TRAF3IP2: variants seen among roughly 807,000 people sequenced by gnomAD.
TRAF3IP2 encodes the protein TRAF3 interacting protein 2.
TRAF3IP2 carries 35 observed loss-of-function variants against 57.9 expected under a neutral mutation model. The ratio of observed to expected loss-of-function variants is 0.60; its 90% confidence interval spans 0.46 to 0.80. The LOEUF (loss-of-function observed/expected upper bound fraction) is 0.80, where lower values mean the gene tolerates loss of function less well. Ranked by LOEUF, TRAF3IP2 falls within the 30% of genes least tolerant of loss-of-function variation. TRAF3IP2 has a pLI of 0.00. For missense variants in TRAF3IP2, 556 were observed against 706.4 expected, an observed-to-expected ratio of 0.79 and a Z score of 2.41; for synonymous variants, 251 against 268.9, an observed-to-expected ratio of 0.93 and a Z score of 0.65.
At chr6:111,596,813 G>A (rs1796706235) in intron 1 of TRAF3IP2, among the ~76,000 whole-genome samples, 1 of 151,532 alleles carries the variant, frequency 6.6e-6, no homozygotes. Context: ...TACCCAAACT[G>A]GTATTGAACT....
rs1056638729 is a variant in TRAF3IP2, at chr6:111,556,804, G to T, written c.*2601C>A. On this transcript the variant is annotated 3_prime_UTR_variant, in exon 9 of 9. Transcript: ENST00000368761. ...AATGTTTCTTATTTATAGTTGACAA[G>T]TATTTGTCCTTTCCCTGTGCTACAT... 1 of 152,140 alleles carries T rather than the reference G, an allele frequency of 6.6e-6. No homozygotes were observed. Among genetic ancestry groups the T allele is most frequent in the South Asian group, 2.1e-4 (1 of 4,826 alleles). The allele number at this position is 152,140 out of a possible 1,614,324, so 9.4% of individuals were successfully genotyped here.
At chr6:111,566,901 A>C (rs1583217187) in intron 6 of TRAF3IP2, 2 of 351,606 alleles carry the variant, frequency 5.7e-6, no homozygotes, top group South Asian at 2.4e-5. Flanking sequence ...AGTAAGAAGC[A>C]CCCTCCCTCC....
At position 111,591,708 on chromosome 6, in the gene TRAF3IP2, C is replaced by T; in HGVS notation, c.379G>A (p.Ala127Thr). 2 of 1,614,232 alleles carry T rather than the reference C, an allele frequency of 1.2e-6. No homozygotes were observed. The highest frequency in any genetic ancestry group is 1.7e-6 in the Non-Finnish European group (2 of 1,180,038). ...TCCATAAATGAAAACTGATGCTCTG[C>T]AGGGAGGGCTCCAACCACAGACTCA... ...ASESVVGALP[A>T]EHQFSFMEKR... Residue 127 changes from alanine (A) to threonine (T), a missense_variant, in exon 2 of 9, where the codon GCA (alanine) becomes ACA (threonine). Around this residue, in one of 2 missense-constraint regions of TRAF3IP2, gnomAD observed 428 missense variants for 498.7 expected, o/e 0.86. Coordinates refer to ENST00000368761, the MANE Select transcript of TRAF3IP2 (RefSeq NM_147686.4). This position sits in a 1 kb window ranked among gnomAD's most constrained non-coding sequence, Gnocchi z 4.9.
chr6:111,570,369 C>T (rs2128373183), intron 5 of TRAF3IP2, among the ~76,000 whole-genome samples: 1 of 152,300 alleles, frequency 6.6e-6, no homozygotes. Context: ...GTAACAACTC[C>T]CTGCTTTTGC....
chr6:111,584,640 A>T (rs1191227970), intron 2 of TRAF3IP2, among the ~76,000 whole-genome samples: 2 of 147,930 alleles, frequency 1.4e-5, no homozygotes, highest in East Asian at 3.9e-4. Flanking sequence ...CTACAAAAAA[A>T]TACCAAAAAA....
rs768549703 is a variant in TRAF3IP2 at position 111,566,583 on chromosome 6, CATGTTTATGGA to C, written c.1360-34_1360-24del. ...CTTCTGTTAATGAGAGGGAGAAAGG[CATGTTTATGGA>C]AGTGTACCAGCAGGACTGTGGGCAT... is the stretch of plus-strand genomic sequence containing the variant. On this transcript the variant is annotated intron_variant, in intron 6 of 8. Coordinates refer to ENST00000368761, the MANE Select transcript of TRAF3IP2 (RefSeq NM_147686.4). The C allele has an allele frequency of 1.0e-5, 16 of 1,599,038 alleles. No individual in the cohort carries two copies. In the East Asian group the frequency reaches 3.3e-4, roughly 33 times the overall value.
chr6:111,559,425 G>T lies in TRAF3IP2; in HGVS notation c.1678C>A (p.Leu560Ile). The T allele has an allele frequency of 3.7e-6, 6 of 1,613,902 alleles. No individual in the cohort carries two copies. The highest frequency in any genetic ancestry group is 5.1e-6 in the Non-Finnish European group (6 of 1,180,004). ...VAPPRGPLPT[L>I]QVVPL ...CGGTGTCACAAGGGAACCACCTGAA[G>T]GGTGGGCAGAGGCCCCCGTGGAGGA... The change falls in exon 9 of 9, where the codon CTT (leucine) becomes ATT (isoleucine). Residue 560 changes from leucine (L) to isoleucine (I), a missense_variant. Physicochemically the swap from Leu to Ile is conservative, Grantham distance 5 (BLOSUM62 2). Coordinates refer to ENST00000368761, the MANE Select transcript of TRAF3IP2 (RefSeq NM_147686.4).
At chr6:111,573,726 C>T (rs1211715772) in intron 4 of TRAF3IP2, 1 of 152,216 alleles carries the variant, frequency 6.6e-6, no homozygotes, top group Admixed American at 6.5e-5. Context: ...CCAGTGTTTT[C>T]TCAGGCTAAA....
Position 111,556,098 on chromosome 6 carries a change from G to A in TRAF3IP2, c.*3307C>T, listed in dbSNP as rs1334521793. On this transcript the variant is annotated 3_prime_UTR_variant, in exon 9 of 9. Transcript: ENST00000368761. ...AGCCTGGGTGACAGAGCGAGACTAC[G>A]TCTCAAAAAAAAAAAAAAAAAAATG... Among the ~76,000 whole-genome samples the A allele has an allele frequency of 1.3e-3, 99 of 75,222 alleles. No individual in the cohort carries two copies. Among genetic ancestry groups the A allele is most frequent in the Non-Finnish European group, 2.4e-3 (86 of 36,212 alleles). The allele number at this position is 75,222 out of a possible 152,430, so 49.3% of individuals were successfully genotyped here.
chr6:111,580,997 A>C (rs1397486439), intron 2 of TRAF3IP2, among the ~76,000 whole-genome samples: 1 of 152,216 alleles, frequency 6.6e-6, no homozygotes, highest in Non-Finnish European at 1.5e-5. Flanking sequence ...GCCTACGTGC[A>C]CTTGGAGCCA....
Position 111,575,620 on chromosome 6 carries a change from GA to G in TRAF3IP2, c.1201+22del. On this transcript the variant is annotated intron_variant, in intron 4 of 8. Coordinates refer to ENST00000368761, the MANE Select transcript of TRAF3IP2 (RefSeq NM_147686.4). ...AAAAAAAAAAAAAAGAGGAAGGAGA[GA>G]ACAATGTTGCAAACAACTTACGCAA... 3.3e-6 allele frequency: 5 copies of G among 1,534,806 alleles called. No homozygotes were observed. In the South Asian group the frequency reaches 5.8e-5, roughly 18 times the overall value.
intron 1 of TRAF3IP2, chr6:111,594,495 A>G (rs577661803): frequency 1.8e-5 from 8 of 452,742 alleles, no homozygotes; most frequent in African/African-American, 1.6e-4. Context: ...AAAAGTTGCA[A>G]ATTCTACTCT....
chr6:111,567,227 T>A, intron 6 of TRAF3IP2: 1 of 1,008,102 alleles, frequency 9.9e-7, no homozygotes, highest in Non-Finnish European at 1.2e-6. Flanking sequence ...TCGGGGGTGG[T>A]GTGCTGTGCA....
At chr6:111,567,740 C>CATT in intron 5 of TRAF3IP2, 48 bp from the exon 6 acceptor site, 1 of 1,494,822 alleles carries the variant, frequency 6.7e-7, no homozygotes, top group Non-Finnish European at 9.2e-7. Flanking sequence ...GAGGTTCTCT[C>CATT]AAGATGCAGA....
intron 7 of TRAF3IP2, among the ~76,000 whole-genome samples, chr6:111,564,000 A>G (rs1377511234): frequency 6.6e-6 from 1 of 152,232 alleles, no homozygotes; most frequent in Middle Eastern, 3.2e-3. Context: ...ACGAGGAATT[A>G]TGTGTTTCCA....
rs762395569 is a variant in TRAF3IP2, at chr6:111,591,528, G to A, written c.559C>T (p.Arg187Ter). The change falls in exon 2 of 9, where the codon CGA becomes TGA. Residue 187 changes from arginine (R) to a stop codon, truncating the protein, a stop_gained. Coordinates refer to ENST00000368761, the MANE Select transcript of TRAF3IP2 (RefSeq NM_147686.4). LOFTEE classifies it high-confidence loss of function. This position sits in a 1 kb window ranked among gnomAD's most constrained non-coding sequence, Gnocchi z 4.9. ...ATGGTTGGCAGATCCAGGCCTGCTC[G>A]GTTCCTGTGAGGCTGGGGCCGTTGC... ...MVQRPQPHRN[R>*]AGLDLPTIDT... 9.3e-6 allele frequency: 15 copies of A among 1,614,074 alleles called. No individual in the cohort carries two copies. Among genetic ancestry groups the A allele is most frequent in the Admixed American group, 1.7e-5 (1 of 60,018 alleles).
chr6:111,573,086 G>C (rs554657410), intron 4 of TRAF3IP2, 103 bp from the exon 5 acceptor site: 10 of 959,132 alleles, frequency 1.0e-5, no homozygotes, highest in African/African-American at 6.6e-5. Context: ...AGAATAATAA[G>C]AGGAAACCTT....
intron 1 of TRAF3IP2, among the ~76,000 whole-genome samples, chr6:111,596,922 G>T (rs1406287710): frequency 6.6e-6 from 1 of 152,200 alleles, no homozygotes; most frequent in Non-Finnish European, 1.5e-5. Context: ...TGACTGTTCT[G>T]TTTACAGCTA....
chr6:111,582,002 C>T (rs1023673704), intron 2 of TRAF3IP2, among the ~76,000 whole-genome samples: 2 of 152,130 alleles, frequency 1.3e-5, no homozygotes, highest in African/African-American at 2.4e-5. Context: ...GAACTGTATT[C>T]TTAGCTTGGC....
Sources: allele counts gnomAD v4.1 joint callset (sites outside exome capture counted in the v4.1 genomes callset), GRCh38; gene constraint gnomAD v4.1.1; regional missense constraint gnomAD v4.1.1; non-coding constraint Gnocchi (gnomAD v3.1); transcripts MANE v1.5; gene names NCBI Gene and HGNC (gene_info 2026-07-23, HGNC 2026-07-21).